Variants in KCNH5 observed in about 807,000 individuals in gnomAD.
KCNH5 encodes the protein voltage-gated delayed rectifier potassium channel KCNH5.
KCNH5 carries 46 observed loss-of-function variants against 96.1 expected under a neutral mutation model. The ratio of observed to expected loss-of-function variants is 0.48; its 90% CI spans 0.38 to 0.61. KCNH5 has a LOEUF of 0.61. Ranked by LOEUF, KCNH5 falls within the 20% of genes least tolerant of loss-of-function variation. The probability of loss-of-function intolerance (pLI) is 0.00; values close to 1 mark genes in which losing one functional copy is unlikely to be tolerated. For missense variants in KCNH5, 907 were observed against 1,225.8 expected (o/e 0.74, Z 3.88); for synonymous variants, 439 against 449.8 (o/e 0.98, Z 0.30).
chr14:62,856,837 T>C (rs1295514796), intron 7 of KCNH5, among the ~76,000 whole-genome samples: 1 of 151,938 alleles, frequency 6.6e-6, no homozygotes, highest in African/African-American at 2.4e-5. Context: ...CTGTGCCAAC[T>C]GTTTTGTTAG....
At chr14:62,747,142 T>C (rs950100437) in intron 10 of KCNH5, among the ~76,000 whole-genome samples, 1 of 152,202 alleles carries the variant, frequency 6.6e-6, no homozygotes, top group Non-Finnish European at 1.5e-5. Context: ...AAGACCAGCC[T>C]GGCCAACATG....
chr14:63,004,139 C>T (rs1891083147), intron 3 of KCNH5, among the ~76,000 whole-genome samples: 2 of 152,128 alleles, frequency 1.3e-5, no homozygotes, highest in African/African-American at 4.8e-5. Flanking sequence ...TAGGCATTCC[C>T]AAAACAGTTT....
intron 4 of KCNH5, among the ~76,000 whole-genome samples, chr14:62,992,615 T>C (rs544434119): frequency 2.0e-5 from 3 of 152,264 alleles, no homozygotes; most frequent in South Asian, 2.1e-4. Flanking sequence ...GCCATTTGTA[T>C]GTATTCTTTT....
chr14:62,767,801 C>A (rs1341227040), intron 10 of KCNH5, among the ~76,000 whole-genome samples: 3 of 152,058 alleles, frequency 2.0e-5, no homozygotes, highest in Non-Finnish European at 4.4e-5. Context: ...TACATGTACC[C>A]CCGAACCTAA....
chr14:62,783,464 G>A (rs575597739), intron 9 of KCNH5, among the ~76,000 whole-genome samples: 4 of 151,990 alleles, frequency 2.6e-5, no homozygotes, highest in African/African-American at 9.7e-5. Context: ...TCAAGAGATA[G>A]AAAAAAGGTT....
intron 2 of KCNH5, among the ~76,000 whole-genome samples, chr14:63,009,230 T>G (rs1891181757): frequency 6.6e-6 from 1 of 151,910 alleles, no homozygotes; most frequent in African/African-American, 2.4e-5. Flanking sequence ...CAACTCAAAT[T>G]TAAAAAAGAA....
intron 9 of KCNH5, among the ~76,000 whole-genome samples, chr14:62,800,921 C>T (rs1029387663): frequency 1.3e-5 from 2 of 151,044 alleles, no homozygotes; most frequent in African/African-American, 4.9e-5. Flanking sequence ...TCTAAAATGT[C>T]GTATTTTCTT....
chr14:62,977,426 T>C (rs539666657), intron 6 of KCNH5, among the ~76,000 whole-genome samples: 15 of 152,140 alleles, frequency 9.9e-5, no homozygotes, highest in Middle Eastern at 3.4e-3. Flanking sequence ...AAAAGGATGA[T>C]ATATTGTGAG....
chr14:62,792,855 T>C (rs1383028159), intron 9 of KCNH5, among the ~76,000 whole-genome samples: 4 of 151,716 alleles, frequency 2.6e-5, no homozygotes, highest in African/African-American at 7.2e-5. Flanking sequence ...CTCATGCCCA[T>C]TGTAGCTTTA....
At chr14:62,839,630 T>G (rs1887535040) in intron 8 of KCNH5, among the ~76,000 whole-genome samples, 1 of 152,364 alleles carries the variant, frequency 6.6e-6, no homozygotes, top group South Asian at 2.1e-4. Context: ...TAGAGTAATA[T>G]TTTAAACCAT....
chr14:62,841,818 T>C (rs1380409858), intron 8 of KCNH5, among the ~76,000 whole-genome samples: 1 of 152,242 alleles, frequency 6.6e-6, no homozygotes, highest in African/African-American at 2.4e-5. Context: ...GTAACTCCAA[T>C]ACAGATGTGA....
At chr14:62,851,398 T>C (rs1288724788) in intron 7 of KCNH5, among the ~76,000 whole-genome samples, 1 of 151,780 alleles carries the variant, frequency 6.6e-6, no homozygotes. Flanking sequence ...CAGTTTTCCA[T>C]GTTGAAATGA....
intron 8 of KCNH5, among the ~76,000 whole-genome samples, chr14:62,843,591 T>C (rs1043818643): frequency 6.6e-6 from 1 of 151,972 alleles, no homozygotes; most frequent in Non-Finnish European, 1.5e-5. Context: ...TTTGTATTTT[T>C]AGTAGAGACG....
intron 7 of KCNH5, among the ~76,000 whole-genome samples, chr14:62,856,892 A>G (rs544152930): frequency 6.6e-6 from 1 of 152,122 alleles, no homozygotes; most frequent in East Asian, 1.9e-4. Context: ...ACTGAAAACT[A>G]TTTGACGCAT....
chr14:63,006,487 A>C lies in KCNH5; in HGVS notation c.198-15T>G. 1 of 1,453,106 alleles carries C rather than the reference A, an allele frequency of 6.9e-7. No homozygotes were observed. The highest frequency in any genetic ancestry group is 9.6e-7 in the Non-Finnish European group (1 of 1,037,560). 90.0% of individuals were successfully genotyped at this position (1,453,106 alleles called of 1,614,324 possible). ...CATACATAAAACTGGGGGGGAAAAAAAACAAACAATCGATTTCACTTTTGT... is the reference window on the plus strand; with the variant it reads ...CATACATAAAACTGGGGGGGAAAAACAACAAACAATCGATTTCACTTTTGT... On this transcript the variant is annotated splice_polypyrimidine_tract_variant and intron_variant, in intron 2 of 10. Transcript: ENST00000322893.
At position 62,707,398 on chromosome 14, in the gene KCNH5, T is replaced by C. The variant is rs1415805444; in HGVS notation, c.*110A>G. Reference sequence around the variant, plus strand: ...TGCAATATTTACATATCAAAATCCATGTGTGGTCATCATCTTGAAAGCAAG... The same window carrying C: ...TGCAATATTTACATATCAAAATCCACGTGTGGTCATCATCTTGAAAGCAAG... On this transcript the variant is annotated 3_prime_UTR_variant, in exon 11 of 11. Transcript: ENST00000322893. 3 of 500,064 alleles carry C rather than the reference T, an allele frequency of 6.0e-6. No individual in the cohort carries two copies. The highest frequency in any genetic ancestry group is 2.0e-5 in the African/African-American group (1 of 50,288). 31.0% of individuals were successfully genotyped at this position (500,064 alleles called of 1,614,324 possible).
chr14:62,733,468 C>G (rs1885093377), intron 10 of KCNH5, among the ~76,000 whole-genome samples: 2 of 152,112 alleles, frequency 1.3e-5, no homozygotes, highest in African/African-American at 2.4e-5. Flanking sequence ...GACTTCTCAG[C>G]CTCTAGAACT....
intron 8 of KCNH5, among the ~76,000 whole-genome samples, chr14:62,808,791 T>C (rs559269862): frequency 7.9e-5 from 12 of 152,132 alleles, no homozygotes; most frequent in Non-Finnish European, 1.8e-4. Context: ...AAGTTCCTTA[T>C]CAATTGTGGC....
chr14:62,942,140 G>A (rs1380447442), intron 7 of KCNH5, among the ~76,000 whole-genome samples: 1 of 152,018 alleles, frequency 6.6e-6, no homozygotes, highest in Non-Finnish European at 1.5e-5. Context: ...TAACATCTTT[G>A]TGACACCACT....
Sources: gnomAD v4.1 joint callset for allele counts (sites outside exome capture counted in the v4.1 genomes callset) on GRCh38, gnomAD v4.1.1 for gene constraint, MANE v1.5 for transcripts, NCBI Gene and HGNC (gene_info 2026-07-23, HGNC 2026-07-21) for gene names.